The following RAI2 variants were observed in gnomAD, a reference collection of about 807,000 sequenced individuals.
RAI2 encodes retinoic acid-induced protein 2.
A neutral mutation model predicts 15.3 loss-of-function variants in RAI2; 5 were observed. The observed-to-expected ratio is 0.33, with a 90% CI of 0.17 to 0.69. RAI2 has a LOEUF of 0.69. RAI2 is among the 30% of genes least tolerant of loss of function. The probability of loss-of-function intolerance (pLI) is 0.69; values close to 1 mark genes in which losing one functional copy is unlikely to be tolerated. For synonymous variants in RAI2, 191 were observed against 184.0 expected (o/e 1.04, Z -0.31); for missense variants, 424 against 424.7 (o/e 1.00, Z 0.01).
Position 17,800,773 on chromosome X carries a change from C to G in RAI2, c.1238G>C (p.Ser413Thr). The change falls in exon 2 of 2, where the codon AGC becomes ACC. Residue 413 changes from serine (S) to threonine (T), a missense_variant. Coordinates refer to ENST00000451717, the MANE Select transcript of RAI2 (RefSeq NM_021785.6). ...TTCGCCGCTGGGGTGGTTGGGCTGG[C>G]TGAGCATCTCGGTAGCAGCATCACT... ...SSSDAATEML[S>T]QPNHPSGEVK... 1 of 1,211,905 alleles carries G rather than the reference C, an allele frequency of 8.3e-7. No homozygotes were observed. Among genetic ancestry groups the G allele is most frequent in the Non-Finnish European group, 1.1e-6 (1 of 895,582 alleles).
chrX:17,811,839 C>T (rs1317114632), intron 1 of RAI2, among the ~76,000 whole-genome samples: 1 of 111,330 alleles, frequency 9.0e-6, no homozygotes, highest in Non-Finnish European at 1.9e-5. Context: ...GGCCTAGGTT[C>T]AAACTTCAGC....
chrX:17,819,692 C>A (rs1601912783), intron 1 of RAI2, among the ~76,000 whole-genome samples: 1 of 112,414 alleles, frequency 8.9e-6, no homozygotes, highest in South Asian at 3.7e-4. Flanking sequence ...ATCTCAAAAC[C>A]ACCATGTTGA....
At position 17,834,040 on chromosome X, in the gene RAI2, A is replaced by AT. The variant is rs376436864; in HGVS notation, c.-25+27057dup. Among the ~76,000 whole-genome samples the AT allele has an allele frequency of 7.8e-3, 848 of 108,719 alleles. 11 individuals are homozygous for AT. The highest frequency in any genetic ancestry group is 0.026 in the African/African-American group (766 of 29,988). 94.4% of individuals were successfully genotyped at this position (108,719 alleles called of 115,157 possible). A position where few individuals can be genotyped will look rare whatever the true frequency, so the allele number is the denominator to read the frequency against. On this transcript the variant is annotated intron_variant, in intron 1 of 1. Transcript: ENST00000451717. The stretch of plus-strand genomic sequence containing the variant: ...TAGAGTTTGTCAAATGAGGAAGCTG[A>AT]TTTTTTTTTTAATAAAAGATTTCTG...
chrX:17,839,275 C>T, intron 1 of RAI2, among the ~76,000 whole-genome samples: 1 of 112,320 alleles, frequency 8.9e-6, no homozygotes, highest in East Asian at 2.8e-4. Context: ...CTCTCTTTCT[C>T]TGTCCTACTG....
At chrX:17,858,630 T>C (rs2067648844) in intron 1 of RAI2, among the ~76,000 whole-genome samples, 1 of 112,174 alleles carries the variant, frequency 8.9e-6, no homozygotes, top group South Asian at 3.7e-4. Flanking sequence ...TTCCAGTCTT[T>C]GATTTTTCTT....
At chrX:17,828,403 A>T (rs781486930) in intron 1 of RAI2, among the ~76,000 whole-genome samples, 6 of 111,909 alleles carry the variant, frequency 5.4e-5, no homozygotes, top group Admixed American at 9.4e-5. Flanking sequence ...CACATGGCAC[A>T]TAACAGAGGT....
intron 1 of RAI2, among the ~76,000 whole-genome samples, chrX:17,826,517 G>A (rs1016681670): frequency 6.3e-5 from 7 of 111,422 alleles, no homozygotes; most frequent in Non-Finnish European, 1.1e-4. Flanking sequence ...AGGGAGGAAG[G>A]AAGGGAGGGA....
At chrX:17,857,746 C>A (rs1216467094) in intron 1 of RAI2, among the ~76,000 whole-genome samples, 1 of 111,758 alleles carries the variant, frequency 8.9e-6, no homozygotes, top group Non-Finnish European at 1.9e-5. Flanking sequence ...GCCATTCACT[C>A]CATCAGTGCC....
At chrX:17,851,089 C>T (rs2067527448) in intron 1 of RAI2, among the ~76,000 whole-genome samples, 1 of 112,156 alleles carries the variant, frequency 8.9e-6, no homozygotes, top group Non-Finnish European at 1.9e-5. Flanking sequence ...GCCCTGATGA[C>T]CTCAAATCCA....
At position 17,801,878 on chromosome X, in the gene RAI2, G is replaced by C. The variant is rs146789515; in HGVS notation, c.133C>G (p.Leu45Val). ...TEAWNINSTD[L>V]VKKALVTVPA... ...ACGGTCACCAGGGCCTTCTTTACCA[G>C]GTCAGTGGAGTTGATGTTCCAGGCC... Residue 45 changes from leucine to valine, a missense_variant, in exon 2 of 2, where the codon CTG becomes GTG. Leu to Val is a conservative substitution (Grantham distance 32). Coordinates refer to ENST00000451717, the MANE Select transcript of RAI2 (RefSeq NM_021785.6). 156 of 1,208,548 alleles carry C rather than the reference G, an allele frequency of 1.3e-4. No homozygotes were observed. The highest frequency in any genetic ancestry group is 1.7e-4 in the Non-Finnish European group (151 of 894,824).
intron 1 of RAI2, among the ~76,000 whole-genome samples, chrX:17,816,075 C>G (rs1318978824): frequency 1.9e-5 from 2 of 107,870 alleles, no homozygotes; most frequent in East Asian, 2.9e-4. Context: ...TTCCCCCCAC[C>G]CCCACTTACT....
chrX:17,843,439 T>C (rs1014472806), intron 1 of RAI2, among the ~76,000 whole-genome samples: 1 of 112,578 alleles, frequency 8.9e-6, no homozygotes, highest in Non-Finnish European at 1.9e-5. Flanking sequence ...GCAATGAATG[T>C]GCCTGGATGA....
intron 1 of RAI2, among the ~76,000 whole-genome samples, chrX:17,856,434 G>A (rs1261291625): frequency 8.9e-6 from 1 of 112,169 alleles, no homozygotes; most frequent in Non-Finnish European, 1.9e-5. Flanking sequence ...CTTCTACCAT[G>A]TGAGGGCACA....
At chrX:17,844,677 A>G (rs1029725348) in intron 1 of RAI2, among the ~76,000 whole-genome samples, 3 of 112,563 alleles carry the variant, frequency 2.7e-5, no homozygotes, top group Admixed American at 9.4e-5. Flanking sequence ...TGGTACTCAT[A>G]CACAAAGCTA....
chrX:17,802,810 C>T (rs1050760119), intron 1 of RAI2, among the ~76,000 whole-genome samples: 4 of 111,524 alleles, frequency 3.6e-5, no homozygotes, highest in African/African-American at 9.8e-5. Flanking sequence ...TTGTTGGAAA[C>T]GAAAATCCTC....
At chrX:17,839,654 C>T (rs2067375086) in intron 1 of RAI2, among the ~76,000 whole-genome samples, 1 of 112,466 alleles carries the variant, frequency 8.9e-6, no homozygotes, top group Non-Finnish European at 1.9e-5. Context: ...TTCCCATCAG[C>T]GTATGCACCA....
At chrX:17,813,636 G>A (rs2067073531) in intron 1 of RAI2, among the ~76,000 whole-genome samples, 1 of 111,519 alleles carries the variant, frequency 9.0e-6, no homozygotes, top group Non-Finnish European at 1.9e-5. Context: ...GGACATGAAT[G>A]TGAGTCAATT....
chrX:17,832,604 C>T (rs1478897868), intron 1 of RAI2, among the ~76,000 whole-genome samples: 2 of 111,936 alleles, frequency 1.8e-5, no homozygotes, highest in Non-Finnish European at 3.8e-5. Context: ...GAGAGATGCC[C>T]CAATTTAAGC....
In RAI2 at chrX:17,800,841, C is replaced by A; in HGVS notation, c.1170G>T (p.Thr390=). The change falls in exon 2 of 2, where the codon ACG becomes ACT. Residue 390 remains threonine, a synonymous_variant. Transcript: ENST00000451717. The part of the protein sequence containing the change: ...SGMEISFAPA[T]SHEAPAMMDS... ...CCATCATGGCTGGGGCCTCATGGGA[C>A]GTGGCAGGGGCAAAAGAAATTTCCA... The A allele has an allele frequency of 8.3e-7, 1 of 1,211,288 alleles. No individual in the cohort carries two copies. Among genetic ancestry groups the A allele is most frequent in the Non-Finnish European group, 1.1e-6 (1 of 895,326 alleles).
Sources: allele counts gnomAD v4.1 joint callset (sites outside exome capture counted in the v4.1 genomes callset), GRCh38; gene constraint gnomAD v4.1.1; transcripts MANE v1.5; gene names NCBI Gene and HGNC (gene_info 2026-07-23, HGNC 2026-07-21).